CDHR3: variants seen among roughly 807,000 people sequenced by gnomAD.
The protein encoded by CDHR3 is cadherin-related family member 3.
A neutral mutation model predicts 86.6 loss-of-function variants in CDHR3; 79 were observed. The ratio of observed to expected loss-of-function variants is 0.91; its 90% CI spans 0.76 to 1.10. CDHR3 has a LOEUF of 1.10. CDHR3 is among the 50% of genes least tolerant of loss of function. The pLI is 0.00. For synonymous variants in CDHR3, 421 were observed against 402.4 expected (o/e 1.05, Z -0.55); for missense variants, 1,081 against 1,077.6 (o/e 1.00, Z -0.04).
intron 13 of CDHR3, among the ~76,000 whole-genome samples, chr7:106,021,671 G>T (rs539998903): frequency 6.6e-6 from 1 of 152,190 alleles, no homozygotes; most frequent in Non-Finnish European, 1.5e-5. Flanking sequence ...TGCAATTCCC[G>T]CAAAGCCAGG....
Position 106,032,549 on chromosome 7 carries a change from A to G in CDHR3, c.2510A>G (p.Asn837Ser), listed in dbSNP as rs1192509290. 5 of 1,613,914 alleles carry G rather than the reference A, an allele frequency of 3.1e-6. No individual in the cohort carries two copies. The highest frequency in any genetic ancestry group is 2.7e-5 in the African/African-American group (2 of 74,930). The change falls in exon 19 of 19, where the codon AAC becomes AGC. Residue 837 changes from asparagine to serine, a missense_variant. Physicochemically the swap from Asn to Ser is conservative, Grantham distance 46 (BLOSUM62 1). Transcript: ENST00000317716. ...GEGMGSLRSA[N>S]WEEDELSGKA... ...GGGATGGGGTCACTGAGAAGTGCCA[A>G]CTGGGAAGAAGATGAGCTGAGTGGC... is the stretch of plus-strand genomic sequence containing the variant.
intron 4 of CDHR3, among the ~76,000 whole-genome samples, chr7:105,985,290 A>C (rs986258765): frequency 2.0e-5 from 3 of 152,204 alleles, no homozygotes; most frequent in African/African-American, 7.2e-5. Flanking sequence ...GGCTCTGCCC[A>C]CTAATGTGGC....
chr7:105,991,607 A>C (rs868232667), intron 4 of CDHR3, among the ~76,000 whole-genome samples: 57 of 152,360 alleles, frequency 3.7e-4, no homozygotes, highest in African/African-American at 1.3e-3. Context: ...AATATTTTTA[A>C]AAAATGTTTT....
In CDHR3 at chr7:105,972,332, C is replaced by G. The variant is rs553383164; in HGVS notation, c.47-2512C>G. On this transcript the variant is annotated intron_variant, in intron 1 of 18. Transcript: ENST00000317716. ...TCTATTCGTTTGGGCTAGGCACGAT[C>G]TTACCCTAGGCTATTATTGAGAAAA... is the stretch of plus-strand genomic sequence containing the variant. Among the ~76,000 whole-genome samples the G allele has an allele frequency of 1.3e-4, 20 of 152,292 alleles. No homozygotes were observed. In the East Asian group the frequency reaches 3.5e-3, roughly 26 times the overall value.
intron 18 of CDHR3, among the ~76,000 whole-genome samples, chr7:106,031,761 AG>A (rs1403165903): frequency 6.6e-6 from 1 of 151,998 alleles, no homozygotes; most frequent in Non-Finnish European, 1.5e-5. Context: ...CCAGAGCAAA[AG>A]GGGGGATTTT....
rs1032134975 is a variant in CDHR3 at position 106,035,562 on chromosome 7, A to G, written c.*2865A>G. 1.3e-5 allele frequency among the ~76,000 whole-genome samples: 2 copies of G among 151,950 alleles called. No individual in the cohort carries two copies. Among genetic ancestry groups the G allele is most frequent in the African/African-American group, 4.8e-5 (2 of 41,366 alleles). The stretch of plus-strand genomic sequence containing the variant: ...AGGGATTTATTGAAAACCAAAGTAC[A>G]CTCCACAGTGTGGGAACGGGCCTGA... On this transcript the variant is annotated 3_prime_UTR_variant, in exon 19 of 19. Coordinates refer to ENST00000317716, the MANE Select transcript of CDHR3 (RefSeq NM_152750.5).
chr7:106,015,189 G>A lies in CDHR3; in HGVS notation c.1303G>A (p.Asp435Asn), dbSNP rs1175877217. 3.1e-6 allele frequency: 5 copies of A among 1,610,420 alleles called. No individual in the cohort carries two copies. Among genetic ancestry groups the A allele is most frequent in the Non-Finnish European group, 3.4e-6 (4 of 1,178,546 alleles). Residue 435 changes from aspartate (D) to asparagine (N), a missense_variant, in exon 10 of 19, where the codon GAT becomes AAT. Physicochemically the swap from Asp to Asn is conservative, Grantham distance 23. Coordinates refer to ENST00000317716, the MANE Select transcript of CDHR3 (RefSeq NM_152750.5). ...ATATACGGTGATAATCCAGGTGCAG[G>A]ATGTGGCCCCCCCTTACTATAAAAG... is the stretch of plus-strand genomic sequence containing the variant. ...NKYTVIIQVQ[D>N]VAPPYYKNNV...
At chr7:105,966,024 G>A (rs1369875126) in intron 1 of CDHR3, among the ~76,000 whole-genome samples, 2 of 152,088 alleles carry the variant, frequency 1.3e-5, no homozygotes, top group Admixed American at 1.3e-4. Flanking sequence ...TTCCCTTTGT[G>A]AAGCTATAGT....
rs1831146530 is a variant in CDHR3 at position 105,990,212 on chromosome 7, T to G, written c.514-4539T>G. Among the ~76,000 whole-genome samples the G allele has an allele frequency of 1.3e-5, 2 of 152,208 alleles. 1 individual carries two copies. Among genetic ancestry groups the G allele is most frequent in the South Asian group, 4.1e-4 (2 of 4,828 alleles). On this transcript the variant is annotated intron_variant, in intron 4 of 18. Coordinates refer to ENST00000317716, the MANE Select transcript of CDHR3 (RefSeq NM_152750.5). ...GGCATAGGATCTGCAGCTTTATCGG[T>G]GAAGGATTACATTAATAATAGCATT...
intron 3 of CDHR3, among the ~76,000 whole-genome samples, chr7:105,983,042 C>T (rs371993541): frequency 6.6e-5 from 10 of 151,618 alleles, no homozygotes; most frequent in African/African-American, 2.2e-4. Context: ...TACAGTTAAC[C>T]TTCCATAGCC....
chr7:106,003,786 A>G (rs568632980), intron 7 of CDHR3, among the ~76,000 whole-genome samples: 1 of 152,256 alleles, frequency 6.6e-6, no homozygotes, highest in Non-Finnish European at 1.5e-5. Flanking sequence ...AGGCAAAGGC[A>G]ATAATTGTGC....
rs1430005544 is a variant in CDHR3, at chr7:106,001,399, C to T, written c.714-63C>T. The T allele has an allele frequency of 1.1e-5, 18 of 1,582,852 alleles. No individual in the cohort carries two copies. The East Asian group carries it at 2.7e-4, about 24-fold the overall frequency. On this transcript the variant is annotated intron_variant, in intron 6 of 18. Transcript: ENST00000317716. ...ATTTAGCACTAACCAAAATACCAAT[C>T]GCCTAGATGCTACCTTCCCGTGCCC...
Position 106,032,584 on chromosome 7 carries a change from G to T in CDHR3, c.2545G>T (p.Ala849Ser). The T allele has an allele frequency of 6.2e-7, 1 of 1,614,002 alleles. No homozygotes were observed. The highest frequency in any genetic ancestry group is 8.5e-7 in the Non-Finnish European group (1 of 1,179,894). Residue 849 changes from alanine to serine, a missense_variant, in exon 19 of 19, where the codon GCT becomes TCT. Transcript: ENST00000317716. ...EEDELSGKAW[A>S]EDAGLGSRNE... ...AGATGAGCTGAGTGGCAAAGCGTGG[G>T]CTGAGGATGCTGGTCTGGGTTCCAG... is the stretch of plus-strand genomic sequence containing the variant.
chr7:106,019,172 G>A (rs1836141621), intron 12 of CDHR3, among the ~76,000 whole-genome samples: 1 of 152,194 alleles, frequency 6.6e-6, no homozygotes, highest in Non-Finnish European at 1.5e-5. Flanking sequence ...TTTCAACTTT[G>A]ATCCCAATTT....
chr7:106,016,397 T>C (rs1284960234), intron 11 of CDHR3, among the ~76,000 whole-genome samples: 1 of 152,188 alleles, frequency 6.6e-6, no homozygotes, highest in Non-Finnish European at 1.5e-5. Context: ...AGAAAAGGTT[T>C]CCCATTTCTA....
chr7:106,023,545 T>C (rs1836894925), intron 14 of CDHR3, among the ~76,000 whole-genome samples: 1 of 152,182 alleles, frequency 6.6e-6, no homozygotes, highest in African/African-American at 2.4e-5. Context: ...TTCCTCCTCC[T>C]CTTCCTCCTC....
chr7:106,004,555 A>C lies in CDHR3; in HGVS notation c.920A>C (p.Gln307Pro), dbSNP rs1158929146. Residue 307 changes from glutamine (Q) to proline (P), a missense_variant, in exon 8 of 19, where the codon CAA (glutamine) becomes CCA (proline). Transcript: ENST00000317716. The stretch of plus-strand genomic sequence containing the variant: ...GACCGAGATGCAGGTGAATTGAGAC[A>C]AAATCCCACCATTTCCCTGGAAGTT... ...RIDRDAGELR[Q>P]NPTISLEVLV... 1 of 1,613,924 alleles carries C rather than the reference A, an allele frequency of 6.2e-7. No homozygotes were observed. The highest frequency in any genetic ancestry group is 1.3e-5 in the African/African-American group (1 of 74,944).
At chr7:105,981,968 C>G (rs1431166498) in intron 3 of CDHR3, among the ~76,000 whole-genome samples, 2 of 152,088 alleles carry the variant, frequency 1.3e-5, no homozygotes, top group South Asian at 4.2e-4. Flanking sequence ...ACCCTAGTGT[C>G]TGCATCACTA....
chr7:105,981,213 A>G, intron 3 of CDHR3, 80 bp downstream of exon 3: 1 of 1,414,540 alleles, frequency 7.1e-7, no homozygotes, highest in Non-Finnish European at 9.6e-7. Flanking sequence ...AAACAGAAAA[A>G]GTAAATAAAC....
Sources: gnomAD v4.1 joint callset for allele counts (sites outside exome capture counted in the v4.1 genomes callset) on GRCh38, gnomAD v4.1.1 for gene constraint, MANE v1.5 for transcripts, NCBI Gene and HGNC (gene_info 2026-07-23, HGNC 2026-07-21) for gene names.